Variants in DPF3 observed in about 807,000 individuals in gnomAD.
DPF3 encodes the protein zinc finger protein DPF3.
In DPF3, 18 loss-of-function variants were observed where a neutral mutation model predicts 56.8. The observed-to-expected ratio is 0.32, with a 90% CI of 0.22 to 0.47. The LOEUF (loss-of-function observed/expected upper bound fraction) is 0.47. Among genes scored for constraint, DPF3 ranks in the 20% least tolerant of loss-of-function variants. DPF3 has a pLI of 1.00. For synonymous variants in DPF3, 188 were observed against 180.2 expected, an observed-to-expected ratio of 1.04 and a Z score of -0.35; for missense variants, 403 against 488.8, an observed-to-expected ratio of 0.82 and a Z score of 1.65.
chr14:72,709,186 G>A (rs529026489), intron 6 of DPF3, among the ~76,000 whole-genome samples: 36 of 152,314 alleles, frequency 2.4e-4, no homozygotes, highest in South Asian at 4.1e-4. Flanking sequence ...AGGGTGAAGC[G>A]GCCACACAGC....
At chr14:72,690,339 G>T (rs1451559153) in intron 7 of DPF3, among the ~76,000 whole-genome samples, 2 of 152,094 alleles carry the variant, frequency 1.3e-5, no homozygotes, top group African/African-American at 2.4e-5. Flanking sequence ...AACCCTGAGG[G>T]GACCACAGGG....
intron 2 of DPF3, among the ~76,000 whole-genome samples, chr14:72,770,901 A>C (rs953079612): frequency 3.9e-5 from 6 of 152,208 alleles, no homozygotes; most frequent in African/African-American, 1.4e-4. Context: ...ATAATAGGCC[A>C]GGTGCAGTGG....
At chr14:72,750,728 A>T (rs1890531897) in intron 3 of DPF3, among the ~76,000 whole-genome samples, 1 of 137,822 alleles carries the variant, frequency 7.3e-6, no homozygotes. Context: ...GTGTAAAAAG[A>T]GGAGGGAAAG....
intron 8 of DPF3, among the ~76,000 whole-genome samples, chr14:72,653,925 A>T (rs192025429): frequency 1.5e-3 from 224 of 152,350 alleles, no homozygotes; most frequent in Non-Finnish European, 2.3e-3. Context: ...GACATCTACA[A>T]CTAGAAGGAG....
intron 1 of DPF3, among the ~76,000 whole-genome samples, chr14:72,866,466 A>G (rs61988465): frequency 0.23 from 35,148 of 150,150 alleles, 5,594 homozygotes; most frequent in African/African-American, 0.36. Context: ...AGCTTATTCG[A>G]ATGCACAGGC....
intron 8 of DPF3, among the ~76,000 whole-genome samples, chr14:72,655,602 T>C (rs918712134): frequency 6.6e-6 from 1 of 152,212 alleles, no homozygotes; most frequent in Non-Finnish European, 1.5e-5. Flanking sequence ...TTTCACATAC[T>C]TGGCATTTCT....
intron 1 of DPF3, among the ~76,000 whole-genome samples, chr14:72,845,963 C>G (rs1191501364): frequency 1.3e-5 from 2 of 152,176 alleles, no homozygotes; most frequent in Non-Finnish European, 1.5e-5. Flanking sequence ...TGCTGAAGGG[C>G]CTCCAGAAAG....
chr14:72,798,342 A>G (rs1020846737), intron 1 of DPF3, among the ~76,000 whole-genome samples: 3 of 150,878 alleles, frequency 2.0e-5, no homozygotes, highest in African/African-American at 7.3e-5. Context: ...TGTTTTTATA[A>G]TATATCCTCT....
intron 1 of DPF3, among the ~76,000 whole-genome samples, chr14:72,781,219 T>C (rs1891956575): frequency 1.3e-5 from 2 of 152,242 alleles, no homozygotes; most frequent in Admixed American, 6.5e-5. Flanking sequence ...TGGATTACCC[T>C]GGCAGCACTA....
Position 72,843,304 on chromosome 14 carries a change from G to C in DPF3, c.32+50753C>G, listed in dbSNP as rs140619654. Among the ~76,000 whole-genome samples, 3 of 152,242 alleles carry C rather than the reference G, an allele frequency of 2.0e-5. No individual in the cohort carries two copies. The East Asian group carries it at 5.8e-4, about 29-fold the overall frequency. On this transcript the variant is annotated intron_variant, in intron 1 of 10. Transcript: ENST00000556509. ...CACACTATCCATTACAGCTGAGTCC[G>C]GGTTTGCTTCAAAAGCATCGGGGGT...
chr14:72,773,975 C>A (rs1380442327), intron 1 of DPF3: 1 of 454,852 alleles, frequency 2.2e-6, no homozygotes, highest in Non-Finnish European at 4.4e-6. Context: ...CATGAGTATA[C>A]AAATATCTTT....
chr14:72,664,821 G>C (rs1418696649), intron 8 of DPF3, among the ~76,000 whole-genome samples: 1 of 152,196 alleles, frequency 6.6e-6, no homozygotes, highest in African/African-American at 2.4e-5. Flanking sequence ...GTCAGGCACT[G>C]TCTGGAGGAT....
At chr14:72,778,497 T>C (rs1207157725) in intron 1 of DPF3, among the ~76,000 whole-genome samples, 1 of 152,216 alleles carries the variant, frequency 6.6e-6, no homozygotes, top group Non-Finnish European at 1.5e-5. Context: ...TTCTACATTA[T>C]AGTGAGTTGT....
intron 1 of DPF3, among the ~76,000 whole-genome samples, chr14:72,840,083 C>T (rs1884483749): frequency 6.6e-6 from 1 of 152,226 alleles, no homozygotes; most frequent in Non-Finnish European, 1.5e-5. Flanking sequence ...CGAATGCCAG[C>T]ACACAGTACA....
intron 4 of DPF3, 37 bp from the exon 5 acceptor site, chr14:72,723,765 G>T (rs576705959): frequency 2.0e-6 from 3 of 1,535,372 alleles, no homozygotes; most frequent in Non-Finnish European, 1.8e-6. Flanking sequence ...GGTGAGAAAC[G>T]AAATGCAAAG....
chr14:72,833,441 C>G lies in DPF3; in HGVS notation c.32+60616G>C, dbSNP rs144992862. On this transcript the variant is annotated intron_variant, in intron 1 of 10. Transcript: ENST00000556509. ...AAATATGGAGCTCCAGAAAGAAGCC[C>G]AGGATGAATATGTGCATTGGGAGTA... Among the ~76,000 whole-genome samples the G allele has an allele frequency of 7.0e-3, 1,066 of 152,202 alleles. 9 individuals are homozygous for G. Among genetic ancestry groups the G allele is most frequent in the African/African-American group, 0.024 (1,015 of 41,528 alleles).
In DPF3 at chr14:72,635,543, C is replaced by G. The variant is rs185817209; in HGVS notation, c.872-5807G>C. 9.8e-5 allele frequency among the ~76,000 whole-genome samples: 15 copies of G among 152,330 alleles called. No homozygotes were observed. The East Asian group carries it at 2.9e-3, about 29-fold the overall frequency. ...CTGCCAATTTCTATGCACGCTAATA[C>G]ACAACTGCCCCAACACAAGGGTATT... On this transcript the variant is annotated intron_variant, in intron 8 of 10. Transcript: ENST00000556509.
intron 1 of DPF3, among the ~76,000 whole-genome samples, chr14:72,845,474 T>C (rs1265136022): frequency 5.9e-5 from 9 of 152,176 alleles, no homozygotes. Flanking sequence ...GCTTACCTCC[T>C]GGCCCACTCC....
intron 1 of DPF3, among the ~76,000 whole-genome samples, chr14:72,885,822 C>G (rs1886524013): frequency 6.6e-6 from 1 of 152,182 alleles, no homozygotes; most frequent in Non-Finnish European, 1.5e-5. Flanking sequence ...GGCAGTTAAA[C>G]AGGTAAACAA....
Sources: gnomAD v4.1 joint callset for allele counts (sites outside exome capture counted in the v4.1 genomes callset) on GRCh38, gnomAD v4.1.1 for gene constraint, MANE v1.5 for transcripts, NCBI Gene and HGNC (gene_info 2026-07-23, HGNC 2026-07-21) for gene names.